Variants in WEE1 observed in about 807,000 individuals in gnomAD.
The protein encoded by WEE1 is WEE1 G2 checkpoint kinase.
Under a neutral mutation model 68.8 loss-of-function variants are expected in WEE1, and 16 were observed. The ratio of observed to expected loss-of-function variants is 0.23; its 90% CI spans 0.16 to 0.35. The LOEUF is 0.35. Ranked by LOEUF, WEE1 falls within the 10% of genes least tolerant of loss-of-function variation. The probability of loss-of-function intolerance (pLI) is 1.00; values close to 1 mark genes in which losing one functional copy is unlikely to be tolerated. For missense variants in WEE1, 651 were observed against 824.1 expected (o/e 0.79, Z 2.57); for synonymous variants, 349 against 318.7 (o/e 1.09, Z -1.01).
intron 5 of WEE1, chr11:9,580,462 CTTTTTTTT>C (rs60207256): frequency 8.3e-6 from 1 of 121,140 alleles, no homozygotes; most frequent in Non-Finnish European, 1.7e-5. Flanking sequence ...TTCTTTCTTT[CTTTTTTTT>C]TTTTTTTTTC....
chr11:9,582,333 GCTT>G (rs964452710), intron 6 of WEE1, among the ~76,000 whole-genome samples: 3 of 152,092 alleles, frequency 2.0e-5, no homozygotes, highest in African/African-American at 4.8e-5. Flanking sequence ...TTGACTAGTT[GCTT>G]CTTGTATCAT....
rs375227451 is a variant in WEE1 at position 9,575,896 on chromosome 11, C to G, written c.585C>G (p.Leu195=). The G allele has an allele frequency of 3.1e-6, 5 of 1,613,948 alleles. No individual in the cohort carries two copies. The South Asian group carries it at 4.4e-5, about 14-fold the overall frequency. Residue 195 remains leucine, a synonymous_variant, in exon 2 of 11, where the codon CTC becomes CTG. Transcript: ENST00000450114. ...FDTPHTPKSL[L]SKARGIDSSS... Reference sequence around the variant, plus strand: ...TATTTTTCTTTCCCTAGAGTTTGCTCTCCAAAGCTCGGGGAATTGATTCCA... The same window carrying G: ...TATTTTTCTTTCCCTAGAGTTTGCTGTCCAAAGCTCGGGGAATTGATTCCA...
At position 9,581,758 on chromosome 11, in the gene WEE1, A is replaced by T. The variant is rs927636832; in HGVS notation, c.1288+80A>T. 2.2e-6 allele frequency: 3 copies of T among 1,366,494 alleles called. No homozygotes were observed. In the South Asian group the frequency reaches 4.2e-5, roughly 19 times the overall value. The allele number at this position is 1,366,494 out of a possible 1,614,324, so 84.6% of individuals were successfully genotyped here. A position where few individuals can be genotyped will look rare whatever the true frequency, so the allele number is the denominator to read the frequency against. ...ACTTCATTATGACAACATTGAAAAAATATATATCTTCTGTTTTCTCATTGT... is the reference window on the plus strand; with the variant it reads ...ACTTCATTATGACAACATTGAAAAATTATATATCTTCTGTTTTCTCATTGT... On this transcript the variant is annotated intron_variant, in intron 6 of 10. Transcript: ENST00000450114.
Position 9,585,379 on chromosome 11 carries a change from C to T in WEE1, c.1384+26C>T, listed in dbSNP as rs761820389. On this transcript the variant is annotated intron_variant, in intron 7 of 10. Transcript: ENST00000450114. ...GTAAGAAAGGTAATCAGATTATTAC[C>T]TTCAGATAAAGAGAAGGCTGTTTTG... 5 of 1,609,850 alleles carry T rather than the reference C, an allele frequency of 3.1e-6. No individual in the cohort carries two copies. In the South Asian group the frequency reaches 4.4e-5, roughly 14 times the overall value.
In WEE1 at chr11:9,577,192, C is replaced by T; in HGVS notation, c.1070C>T (p.Ser357Phe). The T allele has an allele frequency of 6.2e-7, 1 of 1,613,874 alleles. No individual in the cohort carries two copies. Among genetic ancestry groups the T allele is most frequent in the Non-Finnish European group, 8.5e-7 (1 of 1,179,794 alleles). Residue 357 changes from serine to phenylalanine, a missense_variant, in exon 5 of 11, where the codon TCT becomes TTT. Around this residue, in one of 5 missense-constraint regions of WEE1, gnomAD observed 41 missense variants for 125.6 expected, o/e 0.33. Transcript: ENST00000450114. Reference sequence around the variant, plus strand: ...GCTCATGCAGTGCTTGGACAGCATTCTCATGTAGTTCGATATTTCTCTGCG... The same window carrying T: ...GCTCATGCAGTGCTTGGACAGCATTTTCATGTAGTTCGATATTTCTCTGCG... ...VYAHAVLGQH[S>F]HVVRYFSAWA...
chr11:9,574,746 G>A lies in WEE1; in HGVS notation c.576+237G>A. The A allele has an allele frequency of 1.9e-6, 2 of 1,031,358 alleles. No homozygotes were observed. The highest frequency in any genetic ancestry group is 2.3e-6 in the Non-Finnish European group (2 of 860,628). 63.9% of individuals were successfully genotyped at this position (1,031,358 alleles called of 1,614,324 possible). On this transcript the variant is annotated intron_variant, in intron 1 of 10. Coordinates refer to ENST00000450114, the MANE Select transcript of WEE1 (RefSeq NM_003390.4). The surrounding 1 kb of genome is among the most constrained non-coding windows in gnomAD (Gnocchi z 4.9). Reference sequence around the variant, plus strand: ...ATCTTACAAAGGGGCCGATCGGCCCGTCCGGGTGGCCAAGGATTTGCCGCC... The same window carrying A: ...ATCTTACAAAGGGGCCGATCGGCCCATCCGGGTGGCCAAGGATTTGCCGCC...
At chr11:9,577,862 C>A (rs1288451186) in intron 5 of WEE1, 3 of 456,206 alleles carry the variant, frequency 6.6e-6, no homozygotes, top group South Asian at 4.6e-5. Context: ...TGTATAGATT[C>A]AAGTTTGGAT....
Position 9,588,434 on chromosome 11 carries a change from C to G in WEE1, c.1788-15C>G. 6.5e-7 allele frequency: 1 copy of G among 1,548,150 alleles called. No individual in the cohort carries two copies. The highest frequency in any genetic ancestry group is 1.4e-5 in the African/African-American group (1 of 71,892). On this transcript the variant is annotated splice_polypyrimidine_tract_variant and intron_variant, in intron 10 of 10. Transcript: ENST00000450114. ...CTTCCTAGGAATAATACCTTGTTTTCTATTTTTATGTCAGAGAACTCAAGA... is the reference window on the plus strand; with the variant it reads ...CTTCCTAGGAATAATACCTTGTTTTGTATTTTTATGTCAGAGAACTCAAGA...
At chr11:9,586,989 G>T in intron 10 of WEE1, 133 bp downstream of exon 10, 9 of 1,000,972 alleles carry the variant, frequency 9.0e-6, no homozygotes, top group South Asian at 1.7e-5. Context: ...TTTGAGACAG[G>T]GTCTCACTGT....
intron 9 of WEE1, 38 bp from the exon 10 acceptor site, chr11:9,586,673 A>G (rs1243813671): frequency 3.1e-6 from 5 of 1,611,594 alleles, no homozygotes; most frequent in Non-Finnish European, 4.2e-6. Flanking sequence ...ATTTTATTAA[A>G]TGCATGTCTT....
rs756801426 is a variant in WEE1, at chr11:9,586,804, C to G, written c.1735C>G (p.Gln579Glu). ...LLSASRKSAE[Q>E]LRIELNAEKF... The stretch of plus-strand genomic sequence containing the variant: ...GTCCGCTTCTAGAAAGAGTGCAGAA[C>G]AATTACGAATAGAATTGAATGCCGA... The change falls in exon 10 of 11, where the codon CAA becomes GAA. Residue 579 changes from glutamine to glutamate, a missense_variant. Coordinates refer to ENST00000450114, the MANE Select transcript of WEE1 (RefSeq NM_003390.4). The G allele has an allele frequency of 6.2e-7, 1 of 1,613,652 alleles. No individual in the cohort carries two copies. Among genetic ancestry groups the G allele is most frequent in the South Asian group, 1.1e-5 (1 of 90,848 alleles).
Position 9,574,179 on chromosome 11 carries a change from C to A in WEE1, c.246C>A (p.Ala82=). Residue 82 remains alanine (A), a synonymous_variant, in exon 1 of 11, where the codon GCC becomes GCA. Transcript: ENST00000450114. This position sits in a 1 kb window ranked among gnomAD's most constrained non-coding sequence, Gnocchi z 4.9. ...GPERRRSPGP[A]PGSPGELEED... ...AGCGCCGCCGCTCGCCCGGGCCGGC[C>A]CCCGGCAGCCCCGGCGAGCTGGAGG... 1 of 1,178,198 alleles carries A rather than the reference C, an allele frequency of 8.5e-7. No homozygotes were observed. Among genetic ancestry groups the A allele is most frequent in the Non-Finnish European group, 1.0e-6 (1 of 954,070 alleles). The allele number at this position is 1,178,198 out of a possible 1,614,324, so 73.0% of individuals were successfully genotyped here.
intron 9 of WEE1, 32 bp from the exon 10 acceptor site, chr11:9,586,679 G>A: frequency 1.9e-6 from 3 of 1,611,262 alleles, no homozygotes; most frequent in Non-Finnish European, 2.5e-6. Context: ...TTAAATGCAT[G>A]TCTTTACCTT....
chr11:9,586,377 A>G lies in WEE1; in HGVS notation c.1471-72A>G, dbSNP rs894431468. ...TTAAGTCCTATTTTTCACCTAAGTC[A>G]TCTTTGAGGTGTAATCTTGTTTTAT... On this transcript the variant is annotated intron_variant, in intron 8 of 10. Transcript: ENST00000450114. 14 of 1,400,054 alleles carry G rather than the reference A, an allele frequency of 1.0e-5. No homozygotes were observed. The Admixed American group carries it at 2.1e-4, about 21-fold the overall frequency. 86.7% of individuals were successfully genotyped at this position (1,400,054 alleles called of 1,614,324 possible).
chr11:9,585,580 A>G, intron 8 of WEE1, 53 bp downstream of exon 8: 1 of 1,330,436 alleles, frequency 7.5e-7, no homozygotes, highest in Non-Finnish European at 1.0e-6. Context: ...TTAGCAGTTG[A>G]TAGAAGAATA....
chr11:9,585,302 G>A lies in WEE1; in HGVS notation c.1333G>A (p.Glu445Lys). The A allele has an allele frequency of 6.2e-7, 1 of 1,614,068 alleles. No homozygotes were observed. Among genetic ancestry groups the A allele is most frequent in the Non-Finnish European group, 8.5e-7 (1 of 1,179,944 alleles). ...SRTSIPNAAS[E>K]EGDEDDWASN... ...AACCTCAATCCCAAATGCTGCCTCT[G>A]AAGAAGGAGACGAAGATGATTGGGC... The change falls in exon 7 of 11, where the codon GAA (glutamate) becomes AAA (lysine). Residue 445 changes from glutamate (E) to lysine (K), a missense_variant. Around this residue, in one of 5 missense-constraint regions of WEE1, gnomAD observed 82 missense variants for 123.2 expected, o/e 0.67. Transcript: ENST00000450114.
chr11:9,583,212 C>T (rs1430102676), intron 6 of WEE1, among the ~76,000 whole-genome samples: 1 of 152,026 alleles, frequency 6.6e-6, no homozygotes, highest in Admixed American at 6.6e-5. Flanking sequence ...ACTCGGGAGG[C>T]TGAGGCAGAA....
At chr11:9,584,551 G>A (rs1382526116) in intron 6 of WEE1, among the ~76,000 whole-genome samples, 1 of 152,124 alleles carries the variant, frequency 6.6e-6, no homozygotes, top group East Asian at 1.9e-4. Flanking sequence ...TATACAATAG[G>A]AAATAGTGAA....
intron 1 of WEE1, chr11:9,575,055 T>C: frequency 1.0e-6 from 1 of 985,714 alleles, no homozygotes; most frequent in Non-Finnish European, 1.2e-6. Context: ...AAGGCTGGCC[T>C]TCCAAGCATT....
Sources: allele counts gnomAD v4.1 joint callset (sites outside exome capture counted in the v4.1 genomes callset), GRCh38; gene constraint gnomAD v4.1.1; regional missense constraint gnomAD v4.1.1; non-coding constraint Gnocchi (gnomAD v3.1); transcripts MANE v1.5; gene names NCBI Gene and HGNC (gene_info 2026-07-23, HGNC 2026-07-21).